MACF1: variants seen among roughly 807,000 people sequenced by gnomAD.
The protein encoded by MACF1 is microtubule actin crosslinking factor 1, also known as microtubule-actin cross-linking factor 1.
In MACF1, 193 loss-of-function variants were observed where a neutral mutation model predicts 854.8. That is an observed-to-expected ratio of 0.23 (90% confidence interval 0.20 to 0.25). The LOEUF is 0.25. Among genes scored for constraint, MACF1 ranks in the 10% least tolerant of loss-of-function variants. The pLI, the probability that MACF1 is intolerant of heterozygous loss-of-function variation, is 1.00. For synonymous variants in MACF1, 3,185 were observed against 3,226.7 expected, an observed-to-expected ratio of 0.99 and a Z score of 0.44; for missense variants, 7,722 against 8,929.1, an observed-to-expected ratio of 0.86 and a Z score of 5.45.
At chr1:39,480,038 T>C (rs763534168) in intron 98 of MACF1, 29 bp downstream of exon 98, 1 of 1,419,014 alleles carries the variant, frequency 7.0e-7, no homozygotes, top group South Asian at 1.2e-5. Flanking sequence ...TATGCCCTTC[T>C]TCCCCAATCC....
chr1:39,354,868 T>C (rs886887948), intron 44 of MACF1, among the ~76,000 whole-genome samples: 6 of 152,238 alleles, frequency 3.9e-5, no homozygotes, highest in Admixed American at 3.3e-4. Flanking sequence ...TTTCTACTCA[T>C]TTATTTATTC....
intron 5 of MACF1, among the ~76,000 whole-genome samples, chr1:39,255,403 A>G (rs572133909): frequency 4.8e-4 from 73 of 152,364 alleles, no homozygotes; most frequent in African/African-American, 1.4e-3. Context: ...CAAAGAGTTC[A>G]TCTGCTTAGA....
At chr1:39,296,776 G>GGAAGGAAGGAAGGAAGGAAGGA (rs1294687903) in intron 20 of MACF1, among the ~76,000 whole-genome samples, 2 of 81,372 alleles carry the variant, frequency 2.5e-5, no homozygotes, top group African/African-American at 1.1e-4. Context: ...GGAAGGAAAA[G>GGAAGGAAGGAAGGAAGGAAGGA]AAAGAAAGAA....
At chr1:39,481,081 T>C in intron 99 of MACF1, 51 bp downstream of exon 99, 5 of 1,143,048 alleles carry the variant, frequency 4.4e-6, no homozygotes, top group Non-Finnish European at 5.1e-6. Flanking sequence ...AGGCCCTCGC[T>C]ACTGGACTTG....
chr1:39,199,533 G>A (rs1289292329), intron 2 of MACF1, among the ~76,000 whole-genome samples: 1 of 151,992 alleles, frequency 6.6e-6, no homozygotes, highest in Non-Finnish European at 1.5e-5. Context: ...TTTCTTGGAT[G>A]ACCTTGGCAA....
intron 2 of MACF1, among the ~76,000 whole-genome samples, chr1:39,125,363 A>G (rs1642831293): frequency 2.0e-5 from 3 of 152,202 alleles, no homozygotes; most frequent in Admixed American, 6.5e-5. Context: ...ACCTTTCTAA[A>G]CATTGATTTC....
At chr1:39,329,853 G>C (rs1309167979) in intron 36 of MACF1, among the ~76,000 whole-genome samples, 1 of 152,172 alleles carries the variant, frequency 6.6e-6, no homozygotes, top group Non-Finnish European at 1.5e-5. Flanking sequence ...CTTATTCACT[G>C]ACCTTCGGAC....
chr1:39,384,977 G>C (rs918028481), intron 56 of MACF1, among the ~76,000 whole-genome samples: 3 of 152,240 alleles, frequency 2.0e-5, no homozygotes, highest in African/African-American at 4.8e-5. Context: ...TACTGCCTCA[G>C]CCTAATAGCC....
intron 2 of MACF1, among the ~76,000 whole-genome samples, chr1:39,148,598 GTCTT>G (rs1205642876): frequency 6.6e-6 from 1 of 152,146 alleles, no homozygotes; most frequent in Non-Finnish European, 1.5e-5. Flanking sequence ...TATGTTGAAA[GTCTT>G]TCAGTGTCAA....
upstream of MACF1, among the ~76,000 whole-genome samples, chr1:39,200,560 G>A (rs570922812): frequency 2.6e-5 from 4 of 151,916 alleles, no homozygotes; most frequent in South Asian, 4.2e-4. Flanking sequence ...TTAGCCGGGC[G>A]TGGTGGTGGG....
intron 2 of MACF1, among the ~76,000 whole-genome samples, chr1:39,086,532 T>A (rs565805113): frequency 6.6e-6 from 1 of 152,346 alleles, no homozygotes; most frequent in African/African-American, 2.4e-5. Context: ...AGGGCCCTGA[T>A]GACTCATAAA....
chr1:39,140,050 C>A (rs376616901), intron 2 of MACF1, among the ~76,000 whole-genome samples: 2 of 151,810 alleles, frequency 1.3e-5, no homozygotes, highest in African/African-American at 4.8e-5. Context: ...AACTCCTGGG[C>A]TCAAGAGATT....
At position 39,368,319 on chromosome 1, in the gene MACF1, G is replaced by T; in HGVS notation, c.12938+5G>T. On this transcript the variant is annotated splice_donor_5th_base_variant and intron_variant, in intron 50 of 100. Transcript: ENST00000564288. ...ACAGAAGACAGTTAAAGAGAGGTGA[G>T]TTATCACTTGTGTTGGTCAGCATTG... is the stretch of plus-strand genomic sequence containing the variant. 6.2e-7 allele frequency: 1 copy of T among 1,610,766 alleles called. No individual in the cohort carries two copies. Among genetic ancestry groups the T allele is most frequent in the Non-Finnish European group, 8.5e-7 (1 of 1,177,336 alleles).
Position 39,283,598 on chromosome 1 carries a change from T to G in MACF1, c.915+83T>G. ...TTGGTTAGACACTTTCTTAAGCACTTATGGTATACTCATGGTATCAAACTA... is the reference window on the plus strand; with the variant it reads ...TTGGTTAGACACTTTCTTAAGCACTGATGGTATACTCATGGTATCAAACTA... On this transcript the variant is annotated intron_variant, in intron 9 of 100. Coordinates refer to ENST00000564288, the MANE Select transcript of MACF1 (RefSeq NM_001394062.1). The surrounding 1 kb of genome is among the most constrained non-coding windows in gnomAD (Gnocchi z 4.5). 1.1e-6 allele frequency: 1 copy of G among 915,864 alleles called. No individual in the cohort carries two copies. The allele number at this position is 915,864 out of a possible 1,614,324, so 56.7% of individuals were successfully genotyped here.
rs180762753 is a variant in MACF1, at chr1:39,460,053, A to G, written c.21361-579A>G. 1.4e-4 allele frequency among the ~76,000 whole-genome samples: 22 copies of G among 152,298 alleles called. No homozygotes were observed. Among genetic ancestry groups the G allele is most frequent in the African/African-American group, 5.1e-4 (21 of 41,564 alleles). ...CTGCATAGGCCTGCTGTTTTCCATC[A>G]AGGCCAAATATTTAACATGGAGGTC... is the stretch of plus-strand genomic sequence containing the variant. On this transcript the variant is annotated intron_variant, in intron 91 of 100. Transcript: ENST00000564288. This position sits in a 1 kb window ranked among gnomAD's most constrained non-coding sequence, Gnocchi z 4.1.
chr1:39,121,123 A>G (rs1301579042), intron 2 of MACF1: 2 of 152,228 alleles, frequency 1.3e-5, no homozygotes, highest in African/African-American at 4.8e-5. Flanking sequence ...AGTTTCTGGT[A>G]TAAAGTAGCT....
chr1:39,410,285 G>C, intron 58 of MACF1: 1 of 1,601,924 alleles, frequency 6.2e-7, no homozygotes. Context: ...CCACTCAGCA[G>C]ACCAGACTGT....
Position 39,095,266 on chromosome 1 carries a change from A to T in MACF1, c.220+10828A>T, listed in dbSNP as rs573219066. On this transcript the variant is annotated intron_variant, in intron 2 of 93. Transcript: ENST00000361689. ...TAGGGGTCTCATGATTATAGTCAGA[A>T]ATGTGGGGGAAGGCGGCTGGGTGCG... Among the ~76,000 whole-genome samples the T allele has an allele frequency of 1.2e-4, 18 of 152,140 alleles. No homozygotes were observed. The South Asian group carries it at 3.5e-3, about 30-fold the overall frequency.
At chr1:39,263,795 A>G in intron 6 of MACF1, among the ~76,000 whole-genome samples, 1 of 55,090 alleles carries the variant, frequency 1.8e-5, no homozygotes, top group African/African-American at 8.2e-5. Context: ...TTTTTTTGAG[A>G]CGGAGTCTCA....
Sources: allele counts gnomAD v4.1 joint callset (sites outside exome capture counted in the v4.1 genomes callset), GRCh38; gene constraint gnomAD v4.1.1; non-coding constraint Gnocchi (gnomAD v3.1); transcripts MANE v1.5; gene names NCBI Gene and HGNC (gene_info 2026-07-23, HGNC 2026-07-21).